Variants in MAGI3 observed in about 807,000 individuals in gnomAD.
MAGI3 encodes the protein membrane-associated guanylate kinase, WW and PDZ domain-containing protein 3.
In MAGI3, 43 loss-of-function variants were observed where a neutral mutation model predicts 121.8. The observed-to-expected ratio is 0.35, with a 90% CI of 0.28 to 0.46. MAGI3 has a LOEUF of 0.46. MAGI3 is among the 20% of genes least tolerant of loss of function. The pLI is 1.00. For synonymous variants in MAGI3, 553 were observed against 639.3 expected (o/e 0.86, Z 2.04); for missense variants, 1,547 against 1,797.3 (o/e 0.86, Z 2.52).
rs775683003 is a variant in MAGI3, at chr1:113,649,270, G to A, written c.2189G>A (p.Arg730Gln). 1.9e-5 allele frequency: 30 copies of A among 1,612,904 alleles called. No individual in the cohort carries two copies. Among genetic ancestry groups the A allele is most frequent in the Admixed American group, 6.7e-5 (4 of 59,876 alleles). Residue 730 changes from arginine to glutamine, a missense_variant, in exon 13 of 21, where the codon CGA becomes CAA. Coordinates refer to ENST00000307546, the MANE Select transcript of MAGI3 (RefSeq NM_001142782.2). ...PNTKDLDVFLRKQESGFGFRV... is the reference protein window; with the variant it reads ...PNTKDLDVFLQKQESGFGFRV... Reference sequence around the variant, plus strand: ...ACCAAAGATTTGGATGTTTTTCTTCGAAAACAAGAGTCAGGGTTTGGCTTC... The same window carrying A: ...ACCAAAGATTTGGATGTTTTTCTTCAAAAACAAGAGTCAGGGTTTGGCTTC...
intron 1 of MAGI3, among the ~76,000 whole-genome samples, chr1:113,531,214 T>G (rs1306852745): frequency 6.6e-6 from 1 of 152,184 alleles, no homozygotes; most frequent in Non-Finnish European, 1.5e-5. Context: ...ATCTGCTAAT[T>G]TAAAGCTTAC....
At chr1:113,663,434 T>G (rs1353574012) in intron 16 of MAGI3, among the ~76,000 whole-genome samples, 6 of 152,110 alleles carry the variant, frequency 3.9e-5, no homozygotes, top group Admixed American at 3.3e-4. Flanking sequence ...TTGCTGGGTA[T>G]TTCATATAAA....
At chr1:113,636,374 A>C (rs35383900) in intron 9 of MAGI3, among the ~76,000 whole-genome samples, 33,264 of 152,092 alleles carry the variant, frequency 0.22, 4,500 homozygotes, top group South Asian at 0.39. Flanking sequence ...TCATGCTATA[A>C]ATTTCCCTCT....
chr1:113,506,439 G>A (rs1323339495), intron 1 of MAGI3, among the ~76,000 whole-genome samples: 1 of 146,322 alleles, frequency 6.8e-6, no homozygotes. Flanking sequence ...GCTAATGGTT[G>A]TAGATCACAC....
chr1:113,633,825 G>T (rs1242970463), intron 9 of MAGI3, among the ~76,000 whole-genome samples: 1 of 152,044 alleles, frequency 6.6e-6, no homozygotes, highest in African/African-American at 2.4e-5. Context: ...ACTTCCACAA[G>T]GGTTGAACTA....
At chr1:113,572,388 C>T (rs1570882571) in intron 2 of MAGI3, among the ~76,000 whole-genome samples, 1 of 152,074 alleles carries the variant, frequency 6.6e-6, no homozygotes, top group East Asian at 1.9e-4. Context: ...GTTTTGGTAT[C>T]AGGATGATGC....
intron 9 of MAGI3, among the ~76,000 whole-genome samples, chr1:113,634,841 G>A (rs1470381949): frequency 2.0e-5 from 3 of 152,052 alleles, no homozygotes; most frequent in East Asian, 1.9e-4. Flanking sequence ...CCATTTTCAC[G>A]ATATTGATTC....
Position 113,651,177 on chromosome 1 carries a change from T to G in MAGI3, c.2411T>G (p.Leu804Arg). The G allele has an allele frequency of 6.2e-7, 1 of 1,612,974 alleles. No homozygotes were observed. Among genetic ancestry groups the G allele is most frequent in the South Asian group, 1.1e-5 (1 of 90,630 alleles). ...TTAARNGHVL[L>R]TVRRKIFYGE... ...GCTGCTCGAAATGGCCATGTGTTAC[T>G]AACTGTCAGACGGAAGATCTTCTAT... is the stretch of plus-strand genomic sequence containing the variant. The change falls in exon 14 of 21, where the codon CTA (leucine) becomes CGA (arginine). Residue 804 changes from leucine to arginine, a missense_variant. Physicochemically the swap from Leu to Arg is moderately radical, Grantham distance 102. Transcript: ENST00000307546.
intron 1 of MAGI3, among the ~76,000 whole-genome samples, chr1:113,531,847 G>A (rs1357355360): frequency 2.6e-5 from 4 of 152,120 alleles, no homozygotes; most frequent in Non-Finnish European, 5.9e-5. Flanking sequence ...CCACACTAAG[G>A]AACTAAAACA....
At chr1:113,480,832 A>G (rs1656076132) in intron 1 of MAGI3, among the ~76,000 whole-genome samples, 1 of 152,142 alleles carries the variant, frequency 6.6e-6, no homozygotes, top group South Asian at 2.1e-4. Context: ...CTATTCTGCC[A>G]TCTTACTGAT....
chr1:113,395,177 G>A (rs1037318265), intron 1 of MAGI3, among the ~76,000 whole-genome samples: 4 of 137,060 alleles, frequency 2.9e-5, no homozygotes, highest in African/African-American at 1.1e-4. Flanking sequence ...ATGAGGATGG[G>A]AAAGGTAAGA....
chr1:113,425,273 A>AATTT (rs1652941806), intron 1 of MAGI3, among the ~76,000 whole-genome samples: 2 of 86,862 alleles, frequency 2.3e-5, no homozygotes, highest in African/African-American at 8.8e-5. Context: ...TACAAATTCA[A>AATTT]TTTTTTTTTT....
intron 9 of MAGI3, among the ~76,000 whole-genome samples, chr1:113,631,943 A>C (rs773706760): frequency 6.6e-6 from 1 of 152,130 alleles, no homozygotes; most frequent in East Asian, 1.9e-4. Context: ...TGCGGGGGGA[A>C]GTTTAAGTAT....
intron 1 of MAGI3, among the ~76,000 whole-genome samples, chr1:113,509,104 A>G (rs1657483958): frequency 6.6e-6 from 1 of 152,180 alleles, no homozygotes; most frequent in African/African-American, 2.4e-5. Flanking sequence ...ACAGCTTGAT[A>G]TAAGGGTTTG....
rs1648275222 is a variant in MAGI3, at chr1:113,682,323, A to C, written c.3329-574A>C. ...ACTTGGTAAATTTGCATGTCTTGTA[A>C]ATCACTTTCTTCTTTTGTTTTCTTT... On this transcript the variant is annotated intron_variant, in intron 20 of 20. Transcript: ENST00000307546. 28 of 1,580,610 alleles carry C rather than the reference A, an allele frequency of 1.8e-5. 2 individuals are homozygous for C. The South Asian group carries it at 3.3e-4, about 19-fold the overall frequency.
Position 113,658,936 on chromosome 1 carries a change from CGAT to C in MAGI3, c.2630-138_2630-136del. Reference sequence around the variant, plus strand: ...GTATGAAAATAGTTCCGTTTGGATGCGATGATGACGTGTGGTACTTTTCTGTTA... The same window carrying C: ...GTATGAAAATAGTTCCGTTTGGATGCGATGACGTGTGGTACTTTTCTGTTA... On this transcript the variant is annotated intron_variant, in intron 15 of 20. Coordinates refer to ENST00000307546, the MANE Select transcript of MAGI3 (RefSeq NM_001142782.2). This position sits in a 1 kb window ranked among gnomAD's most constrained non-coding sequence, Gnocchi z 4.0. The C allele has an allele frequency of 1.5e-6, 1 of 689,600 alleles. No individual in the cohort carries two copies. The highest frequency in any genetic ancestry group is 2.6e-5 in the East Asian group (1 of 38,354). The allele number at this position is 689,600 out of a possible 1,614,324, so 42.7% of individuals were successfully genotyped here. A position where few individuals can be genotyped will look rare whatever the true frequency, so the allele number is the denominator to read the frequency against.
chr1:113,585,732 T>C, intron 4 of MAGI3, 136 bp downstream of exon 4: 1 of 715,096 alleles, frequency 1.4e-6, no homozygotes, highest in South Asian at 1.9e-5. Flanking sequence ...GTAAAGGTTG[T>C]ATGTGGAGCA....
At chr1:113,420,402 C>T (rs1050345684) in intron 1 of MAGI3, among the ~76,000 whole-genome samples, 3 of 152,116 alleles carry the variant, frequency 2.0e-5, no homozygotes, top group African/African-American at 7.2e-5. Flanking sequence ...AACATAAGGC[C>T]TAAAAGAAAG....
At chr1:113,520,471 AT>A (rs1454577246) in intron 1 of MAGI3, among the ~76,000 whole-genome samples, 2 of 152,266 alleles carry the variant, frequency 1.3e-5, no homozygotes, top group East Asian at 1.9e-4. Flanking sequence ...GTCAAATTGT[AT>A]TTTTTAAGAG....
Sources: gnomAD v4.1 joint callset for allele counts (sites outside exome capture counted in the v4.1 genomes callset) on GRCh38, gnomAD v4.1.1 for gene constraint, Gnocchi (gnomAD v3.1) non-coding constraint, MANE v1.5 for transcripts, NCBI Gene and HGNC (gene_info 2026-07-23, HGNC 2026-07-21) for gene names.